Variants in SOS2 observed in about 807,000 individuals in gnomAD.
The protein encoded by SOS2 is son of sevenless homolog 2.
A neutral mutation model predicts 148.2 loss-of-function variants in SOS2; 65 were observed. The ratio of observed to expected loss-of-function variants is 0.44; its 90% confidence interval spans 0.36 to 0.54. The LOEUF (loss-of-function observed/expected upper bound fraction) is 0.54, where lower values mean the gene tolerates loss of function less well. Ranked by LOEUF, SOS2 falls within the 20% of genes least tolerant of loss-of-function variation. The pLI, the probability that SOS2 is intolerant of heterozygous loss-of-function variation, is 0.00. For missense variants in SOS2, 1,341 were observed against 1,590.2 expected, an observed-to-expected ratio of 0.84 and a Z score of 2.67; for synonymous variants, 539 against 537.1, an observed-to-expected ratio of 1.00 and a Z score of -0.05.
rs1003838550 is a variant in SOS2 at position 50,170,785 on chromosome 14, C to G, written c.1068+3669G>C. On this transcript the variant is annotated intron_variant, in intron 8 of 22. Transcript: ENST00000216373. The stretch of plus-strand genomic sequence containing the variant: ...AATCAAAACCACAATGAGATACCAC[C>G]TCGTATCCATTAGGATGACTATTAT... 2.0e-5 allele frequency among the ~76,000 whole-genome samples: 3 copies of G among 150,696 alleles called. No homozygotes were observed. In the East Asian group the frequency reaches 5.9e-4, roughly 30 times the overall value.
chr14:50,180,429 A>C (rs1885694367), intron 7 of SOS2, 143 bp downstream of exon 7: 1 of 558,956 alleles, frequency 1.8e-6, no homozygotes, highest in Non-Finnish European at 3.1e-6. Flanking sequence ...AAAACAGAAG[A>C]TAATCCAAAA....
At chr14:50,192,143 CA>C (rs201836422) in intron 4 of SOS2, among the ~76,000 whole-genome samples, 22 of 118,900 alleles carry the variant, frequency 1.9e-4, no homozygotes, top group African/African-American at 7.0e-4. Flanking sequence ...GTCCTTGTCA[CA>C]AAAAAAAAAA....
At chr14:50,184,474 T>C (rs1440856396) in intron 5 of SOS2, among the ~76,000 whole-genome samples, 2 of 152,182 alleles carry the variant, frequency 1.3e-5, no homozygotes, top group Non-Finnish European at 2.9e-5. Context: ...TGATAAATAC[T>C]GAGTTTATGC....
At chr14:50,223,297 G>T (rs1887252509) in intron 1 of SOS2, among the ~76,000 whole-genome samples, 1 of 152,136 alleles carries the variant, frequency 6.6e-6, no homozygotes, top group African/African-American at 2.4e-5. Flanking sequence ...ACACTTTGGA[G>T]GCTGAGGCAG....
intron 17 of SOS2, 57 bp downstream of exon 17, chr14:50,139,885 C>T: frequency 3.8e-6 from 3 of 794,796 alleles, no homozygotes; most frequent in Non-Finnish European, 6.6e-6. Context: ...CTGAAGACTG[C>T]TCTCTTTTGG....
At chr14:50,188,955 T>G (rs954474196) in intron 4 of SOS2, among the ~76,000 whole-genome samples, 14 of 151,464 alleles carry the variant, frequency 9.2e-5, no homozygotes, top group African/African-American at 3.2e-4. Flanking sequence ...TCCCAGCTAT[T>G]TGGGAGGCTG....
chr14:50,214,507 G>T (rs1886982005), intron 1 of SOS2, among the ~76,000 whole-genome samples: 2 of 151,896 alleles, frequency 1.3e-5, no homozygotes, highest in Non-Finnish European at 2.9e-5. Flanking sequence ...ACTTTTAAAA[G>T]ACATTTTTAA....
chr14:50,174,634 T>G, intron 7 of SOS2, 82 bp from the exon 8 acceptor site: 1 of 619,950 alleles, frequency 1.6e-6, no homozygotes, highest in Non-Finnish European at 2.8e-6. Context: ...AAACGTCTAC[T>G]AAAAATTTGA....
rs1260683992 is a variant in SOS2 at position 50,224,356 on chromosome 14, CACACACACAT to C, written c.87+6831_87+6840del. Among the ~76,000 whole-genome samples the C allele has an allele frequency of 6.1e-3, 780 of 128,324 alleles. 6 individuals carry two copies. Among genetic ancestry groups the C allele is most frequent in the Non-Finnish European group, 7.7e-3 (453 of 58,776 alleles). 84.2% of individuals were successfully genotyped at this position (128,324 alleles called of 152,430 possible). On this transcript the variant is annotated intron_variant, in intron 1 of 22. Coordinates refer to ENST00000216373, the MANE Select transcript of SOS2 (RefSeq NM_006939.4). ...ACACACACACACACACACACACACA[CACACACACAT>C]ATATATAAATGGGCTCTGGGGAGGT...
chr14:50,157,897 A>G (rs1184278180), intron 11 of SOS2, among the ~76,000 whole-genome samples: 1 of 152,134 alleles, frequency 6.6e-6, no homozygotes, highest in African/African-American at 2.4e-5. Context: ...ACCCAACACT[A>G]ATTTTTAAAA....
rs138564268 is a variant in SOS2 at position 50,178,793 on chromosome 14, G to A, written c.969+1779C>T. Among the ~76,000 whole-genome samples the A allele has an allele frequency of 2.3e-3, 344 of 148,534 alleles. 3 individuals are homozygous for A. The highest frequency in any genetic ancestry group is 7.9e-3 in the African/African-American group (318 of 40,206). ...CTGTCACCTAGGCTGGAGTGTAGTG[G>A]CACGATCTCGGCTCACTGCAACCTC... On this transcript the variant is annotated intron_variant, in intron 7 of 22. Transcript: ENST00000216373.
At position 50,159,551 on chromosome 14, in the gene SOS2, T is replaced by C. The variant is rs748480687; in HGVS notation, c.1732A>G (p.Lys578Glu). The C allele has an allele frequency of 1.2e-5, 20 of 1,613,812 alleles. No homozygotes were observed. The highest frequency in any genetic ancestry group is 8.0e-5 in the African/African-American group (6 of 74,896). Residue 578 changes from lysine (K) to glutamate (E), a missense_variant, in exon 10 of 23, where the codon AAA becomes GAA. Lys to Glu is a moderately conservative substitution (Grantham distance 56). Around this residue, in one of 4 missense-constraint regions of SOS2, gnomAD observed 574 missense variants for 711.1 expected, o/e 0.81. Transcript: ENST00000216373. ...PSPEVYRFVVKDSEENIVFED... is the reference protein window; with the variant it reads ...PSPEVYRFVVEDSEENIVFED... ...AAAACAATGTTTTCCTCAGAGTCTT[T>C]TACTACAAAACGATATACTTCAGGA... is the stretch of plus-strand genomic sequence containing the variant.
At chr14:50,122,391 C>CTTTTTTTTTTTTTTCTT (rs1883542725) in intron 21 of SOS2, among the ~76,000 whole-genome samples, 143 of 88,204 alleles carry the variant, frequency 1.6e-3, no homozygotes, top group African/African-American at 6.7e-3. Context: ...GAACCCTGGG[C>CTTTTTTTTTTTTTTCTT]TTTTTTTTTT....
chr14:50,182,601 G>A lies in SOS2; in HGVS notation c.720C>T (p.Ile240=), dbSNP rs373852615. ...CTGAAATGTTACTAAAAATCTTTTC[G>A]ATATCCTGAAAAAAGAGAAGGAAGG... ...SDRKLFKPSD[I]EKIFSNISDI... Residue 240 remains isoleucine, a synonymous_variant, in exon 6 of 23, where the codon ATC becomes ATT. Coordinates refer to ENST00000216373, the MANE Select transcript of SOS2 (RefSeq NM_006939.4). 6.3e-5 allele frequency: 101 copies of A among 1,596,418 alleles called. No individual in the cohort carries two copies. The Admixed American group carries it at 1.2e-3, about 18-fold the overall frequency.
At position 50,122,208 on chromosome 14, in the gene SOS2, G is replaced by C. The variant is rs79612598; in HGVS notation, c.3380-1824C>G. ...GGGGCTAATGGAAAGGAAGTTCCTT[G>C]CTCTTTTTTGGAAACGCATTCTGTC... On this transcript the variant is annotated intron_variant, in intron 21 of 22. Transcript: ENST00000216373. Among the ~76,000 whole-genome samples the C allele has an allele frequency of 7.0e-3, 1,065 of 152,098 alleles. 15 individuals carry two copies. Among genetic ancestry groups the C allele is most frequent in the African/African-American group, 0.024 (1,005 of 41,486 alleles).
At chr14:50,218,727 T>A (rs1031615621) in intron 1 of SOS2, among the ~76,000 whole-genome samples, 2 of 152,174 alleles carry the variant, frequency 1.3e-5, no homozygotes, top group African/African-American at 4.8e-5. Context: ...AAAATTAAAT[T>A]ACCAAGTATT....
intron 1 of SOS2, among the ~76,000 whole-genome samples, chr14:50,216,761 C>A (rs73291656): frequency 0.27 from 40,590 of 151,676 alleles, 6,038 homozygotes; most frequent in East Asian, 0.44. Context: ...ATACAATAAA[C>A]ATGAATAAAT....
intron 5 of SOS2, among the ~76,000 whole-genome samples, chr14:50,187,766 T>A (rs1195028573): frequency 6.6e-6 from 1 of 152,222 alleles, no homozygotes. Flanking sequence ...GCATAAACTT[T>A]TATTTTTAAA....
intron 2 of SOS2, 35 bp from the exon 3 acceptor site, chr14:50,201,119 T>G: frequency 6.3e-7 from 1 of 1,596,134 alleles, no homozygotes; most frequent in South Asian, 1.1e-5. Flanking sequence ...GTAGTATTAA[T>G]AAAAGTGTTC....
Sources: gnomAD v4.1 joint callset for allele counts (sites outside exome capture counted in the v4.1 genomes callset) on GRCh38, gnomAD v4.1.1 for gene constraint, gnomAD v4.1.1 regional missense constraint, MANE v1.5 for transcripts, NCBI Gene and HGNC (gene_info 2026-07-23, HGNC 2026-07-21) for gene names.